The following KCNQ5 variants were observed in gnomAD, a reference collection of about 807,000 sequenced individuals.
KCNQ5 encodes potassium voltage-gated channel subfamily Q member 5, also known as potassium voltage-gated channel subfamily KQT member 5.
KCNQ5 carries 30 observed loss-of-function variants against 98.2 expected under a neutral mutation model. The ratio of observed to expected loss-of-function variants is 0.31; its 90% confidence interval spans 0.23 to 0.41. KCNQ5 has a LOEUF of 0.41. Among genes scored for constraint, KCNQ5 ranks in the 10% least tolerant of loss-of-function variants. The pLI is 1.00. For missense variants in KCNQ5, 835 were observed against 1,182.5 expected (o/e 0.71, Z 4.31); for synonymous variants, 458 against 449.4 (o/e 1.02, Z -0.24).
chr6:72,938,414 C>A (rs1285185803), intron 1 of KCNQ5, among the ~76,000 whole-genome samples: 1 of 152,170 alleles, frequency 6.6e-6, no homozygotes, highest in African/African-American at 2.4e-5. Context: ...GAGTCTCGCT[C>A]TGTCACCCAG....
intron 3 of KCNQ5, among the ~76,000 whole-genome samples, chr6:73,061,460 T>C (rs1772776866): frequency 6.6e-6 from 1 of 152,306 alleles, no homozygotes; most frequent in Middle Eastern, 3.4e-3. Flanking sequence ...ATTATTTTTG[T>C]ATAGCAATAT....
chr6:73,148,753 G>T (rs1017348374), intron 10 of KCNQ5, among the ~76,000 whole-genome samples: 1 of 152,098 alleles, frequency 6.6e-6, no homozygotes, highest in Non-Finnish European at 1.5e-5. Flanking sequence ...CTGTAAAAAG[G>T]CATAGAACTT....
intron 1 of KCNQ5, among the ~76,000 whole-genome samples, chr6:72,898,447 TA>T (rs1339677985): frequency 6.6e-6 from 1 of 152,212 alleles, no homozygotes; most frequent in Non-Finnish European, 1.5e-5. Context: ...GTTCCTGTGT[TA>T]GTTTGCTGAG....
At chr6:72,677,361 G>A (rs1211184368) in intron 1 of KCNQ5, 2 of 152,166 alleles carry the variant, frequency 1.3e-5, no homozygotes, top group Non-Finnish European at 2.9e-5. Context: ...TCAGAAATGG[G>A]AGTACTTATA....
rs1780450095 is a variant in KCNQ5, at chr6:72,922,624, T to G, written c.399-81284T>G. Among the ~76,000 whole-genome samples the G allele has an allele frequency of 2.0e-5, 3 of 152,086 alleles. 1 individual carries two copies. In the South Asian group the frequency reaches 6.2e-4, roughly 32 times the overall value. On this transcript the variant is annotated intron_variant, in intron 1 of 13. Coordinates refer to ENST00000370398, the MANE Select transcript of KCNQ5 (RefSeq NM_019842.4). ...ACTCTCTGCTTCTATGTTCTCAAAT[T>G]TTTCAAATTCCATGTAAAAGTGAGA...
At chr6:72,819,799 T>C (rs1317083795) in intron 1 of KCNQ5, among the ~76,000 whole-genome samples, 1 of 152,220 alleles carries the variant, frequency 6.6e-6, no homozygotes, top group Non-Finnish European at 1.5e-5. Context: ...CCAGTGCCTC[T>C]TGAGCTTCTC....
At position 72,959,198 on chromosome 6, in the gene KCNQ5, C is replaced by G. The variant is rs564948541; in HGVS notation, c.399-44710C>G. Reference sequence around the variant, plus strand: ...AATGCATTCAGCTTTCAGGCTAGGCCTGGACAATAACGACCCTGCAAATCA... The same window carrying G: ...AATGCATTCAGCTTTCAGGCTAGGCGTGGACAATAACGACCCTGCAAATCA... On this transcript the variant is annotated intron_variant, in intron 1 of 13. Transcript: ENST00000370398. 1.2e-4 allele frequency among the ~76,000 whole-genome samples: 19 copies of G among 152,274 alleles called. No individual in the cohort carries two copies. In the East Asian group the frequency reaches 3.7e-3, roughly 29 times the overall value.
intron 1 of KCNQ5, among the ~76,000 whole-genome samples, chr6:72,690,244 A>G (rs896314445): frequency 1.3e-5 from 2 of 152,188 alleles, no homozygotes; most frequent in African/African-American, 4.8e-5. Flanking sequence ...CAAAAAAACA[A>G]AAAAGAAAAG....
chr6:72,847,811 C>T (rs1303240776), intron 1 of KCNQ5, among the ~76,000 whole-genome samples: 1 of 152,184 alleles, frequency 6.6e-6, no homozygotes, highest in African/African-American at 2.4e-5. Flanking sequence ...AGCTTCTATC[C>T]TCTGCACCCA....
chr6:73,145,906 T>C (rs962449382), intron 10 of KCNQ5, among the ~76,000 whole-genome samples: 7 of 152,154 alleles, frequency 4.6e-5, no homozygotes, highest in African/African-American at 1.2e-4. Context: ...AGCGTGTCTT[T>C]ACGTGGTAGC....
At chr6:72,882,514 T>A (rs1464608488) in intron 1 of KCNQ5, among the ~76,000 whole-genome samples, 1 of 152,020 alleles carries the variant, frequency 6.6e-6, no homozygotes, top group Non-Finnish European at 1.5e-5. Flanking sequence ...CTAAATGCAG[T>A]GGAATGAGTG....
At chr6:72,926,282 C>T (rs1038829478) in intron 1 of KCNQ5, among the ~76,000 whole-genome samples, 2 of 152,114 alleles carry the variant, frequency 1.3e-5, no homozygotes, top group African/African-American at 4.8e-5. Flanking sequence ...ATTACTGCTG[C>T]AAGGAATCAG....
At chr6:72,857,453 T>G (rs1777579597) in intron 1 of KCNQ5, among the ~76,000 whole-genome samples, 2 of 152,230 alleles carry the variant, frequency 1.3e-5, no homozygotes, top group Non-Finnish European at 2.9e-5. Flanking sequence ...AAAGACTGAC[T>G]ATATGCTTCT....
intron 1 of KCNQ5, among the ~76,000 whole-genome samples, chr6:72,691,821 G>T (rs1322391024): frequency 1.3e-5 from 2 of 152,136 alleles, no homozygotes; most frequent in Non-Finnish European, 2.9e-5. Context: ...AGTGGATTTT[G>T]ACAAAATGGA....
chr6:72,718,889 C>A (rs1157089089), intron 1 of KCNQ5, among the ~76,000 whole-genome samples: 2 of 152,034 alleles, frequency 1.3e-5, no homozygotes, highest in East Asian at 3.9e-4. Flanking sequence ...ATCAATTGCT[C>A]TTTTTTTATT....
At chr6:73,144,073 G>A (rs1203497620) in intron 10 of KCNQ5, among the ~76,000 whole-genome samples, 4 of 151,892 alleles carry the variant, frequency 2.6e-5, no homozygotes, top group East Asian at 3.9e-4. Flanking sequence ...ATATTTAATC[G>A]CTTTCATGGT....
intron 1 of KCNQ5, among the ~76,000 whole-genome samples, chr6:72,770,956 A>C (rs182654182): frequency 3.0e-4 from 46 of 152,260 alleles, no homozygotes; most frequent in Non-Finnish European, 4.4e-5. Flanking sequence ...TTTAGAGAGA[A>C]ATATGAAATT....
chr6:72,753,757 A>T (rs539228915), intron 1 of KCNQ5, among the ~76,000 whole-genome samples: 1 of 152,114 alleles, frequency 6.6e-6, no homozygotes, highest in Non-Finnish European at 1.5e-5. Context: ...ATTTTGACCA[A>T]TTCTAAAAGA....
intron 1 of KCNQ5, among the ~76,000 whole-genome samples, chr6:72,882,386 G>A (rs1456918857): frequency 6.6e-6 from 1 of 152,320 alleles, no homozygotes; most frequent in East Asian, 1.9e-4. Flanking sequence ...ATGCAGAGCA[G>A]GGTACGGGCA....
Sources: gnomAD v4.1 joint callset for allele counts (sites outside exome capture counted in the v4.1 genomes callset) on GRCh38, gnomAD v4.1.1 for gene constraint, MANE v1.5 for transcripts, NCBI Gene and HGNC (gene_info 2026-07-23, HGNC 2026-07-21) for gene names.